KIAA1328: variants seen among roughly 807,000 people sequenced by gnomAD.
KIAA1328 encodes KIAA1328, also known as protein hinderin.
KIAA1328 carries 52 observed loss-of-function variants against 68.1 expected under a neutral mutation model. The observed-to-expected ratio is 0.76, with a 90% confidence interval of 0.61 to 0.96. KIAA1328 has a LOEUF of 0.96. KIAA1328 is among the 40% of genes least tolerant of loss of function. The pLI is 0.00. For synonymous variants in KIAA1328, 232 were observed against 239.4 expected (o/e 0.97, Z 0.28); for missense variants, 641 against 677.6 (o/e 0.95, Z 0.60).
intron 8 of KIAA1328, among the ~76,000 whole-genome samples, chr18:37,166,936 C>G (rs2059400722): frequency 6.6e-6 from 1 of 152,166 alleles, no homozygotes; most frequent in African/African-American, 2.4e-5. Flanking sequence ...ATCAAAACCT[C>G]CCAACAAAAC....
intron 5 of KIAA1328, among the ~76,000 whole-genome samples, chr18:36,887,488 C>T (rs1318909302): frequency 6.6e-6 from 1 of 151,980 alleles, no homozygotes; most frequent in Non-Finnish European, 1.5e-5. Flanking sequence ...CAATTCTAGG[C>T]ATTACATTTC....
At chr18:36,952,928 T>C (rs1315269492) in intron 5 of KIAA1328, among the ~76,000 whole-genome samples, 1 of 149,978 alleles carries the variant, frequency 6.7e-6, no homozygotes. Flanking sequence ...GTGGTAGAGG[T>C]AGGAAGACAA....
At chr18:37,150,975 A>G (rs2059016417) in intron 7 of KIAA1328, among the ~76,000 whole-genome samples, 1 of 152,196 alleles carries the variant, frequency 6.6e-6, no homozygotes, top group African/African-American at 2.4e-5. Context: ...CAGGCATGAA[A>G]GATATTGGGA....
At chr18:36,995,669 T>A (rs985086691) in intron 6 of KIAA1328, among the ~76,000 whole-genome samples, 8 of 152,190 alleles carry the variant, frequency 5.3e-5, no homozygotes, top group African/African-American at 1.9e-4. Flanking sequence ...AAATTGCATA[T>A]ACAATGAACT....
intron 5 of KIAA1328, among the ~76,000 whole-genome samples, chr18:36,951,037 C>T (rs1397788681): frequency 1.3e-5 from 2 of 152,156 alleles, no homozygotes; most frequent in Admixed American, 6.5e-5. Flanking sequence ...TGGACACAGT[C>T]GACTTCATCT....
intron 4 of KIAA1328, among the ~76,000 whole-genome samples, chr18:36,862,471 CTTCTT>C (rs1360580054): frequency 6.6e-6 from 1 of 152,060 alleles, no homozygotes; most frequent in African/African-American, 2.4e-5. Flanking sequence ...TTGTGACTGA[CTTCTT>C]TTTTTTTAAA....
At chr18:37,215,334 A>G (rs1317838274) in intron 9 of KIAA1328, among the ~76,000 whole-genome samples, 1 of 118,222 alleles carries the variant, frequency 8.5e-6, no homozygotes, top group Non-Finnish European at 1.7e-5. Flanking sequence ...ATCAGTACCT[A>G]GTTTATTGAG....
chr18:37,018,445 G>T (rs1321793691), intron 6 of KIAA1328, among the ~76,000 whole-genome samples: 2 of 151,872 alleles, frequency 1.3e-5, no homozygotes, highest in Non-Finnish European at 2.9e-5. Flanking sequence ...TATATACCTT[G>T]GTGATTATTT....
At chr18:37,225,579 G>A (rs771822456), downstream of KIAA1328, among the ~76,000 whole-genome samples, 1 of 152,200 alleles carries the variant, frequency 6.6e-6, no homozygotes, top group African/African-American at 2.4e-5. Flanking sequence ...TTTTGTGCTT[G>A]TTGGAACAGA....
intron 7 of KIAA1328, among the ~76,000 whole-genome samples, chr18:37,133,120 G>A (rs1443970081): frequency 6.6e-6 from 1 of 151,986 alleles, no homozygotes; most frequent in African/African-American, 2.4e-5. Context: ...GGATCATGAG[G>A]TCAGGAGTTC....
intron 9 of KIAA1328, among the ~76,000 whole-genome samples, chr18:37,203,665 T>C (rs1417462885): frequency 6.6e-6 from 1 of 152,188 alleles, no homozygotes; most frequent in Non-Finnish European, 1.5e-5. Context: ...ATCTGGTATA[T>C]CTGACCCTTC....
intron 9 of KIAA1328, among the ~76,000 whole-genome samples, chr18:37,182,150 G>T (rs2154215676): frequency 6.6e-6 from 1 of 152,270 alleles, no homozygotes; most frequent in South Asian, 2.1e-4. Flanking sequence ...TTAGCCTCAT[G>T]AACTGCCATT....
intron 9 of KIAA1328, among the ~76,000 whole-genome samples, chr18:37,176,305 G>A (rs574968741): frequency 6.6e-6 from 1 of 152,248 alleles, no homozygotes; most frequent in Non-Finnish European, 1.5e-5. Flanking sequence ...TGCTTTTAAG[G>A]TTCAATAATA....
At chr18:37,109,852 C>CTA (rs1275657473) in intron 7 of KIAA1328, among the ~76,000 whole-genome samples, 1 of 151,968 alleles carries the variant, frequency 6.6e-6, no homozygotes, top group Non-Finnish European at 1.5e-5. Flanking sequence ...CCAGTTGAGT[C>CTA]TGCTTGCTTT....
At chr18:36,995,134 T>C (rs1202547502) in intron 6 of KIAA1328, among the ~76,000 whole-genome samples, 2 of 151,944 alleles carry the variant, frequency 1.3e-5, no homozygotes, top group Non-Finnish European at 2.9e-5. Context: ...CAGGCCCCGG[T>C]GTGTGATGTT....
intron 4 of KIAA1328, among the ~76,000 whole-genome samples, chr18:36,875,259 G>A (rs1233164277): frequency 1.3e-5 from 2 of 152,154 alleles, no homozygotes; most frequent in African/African-American, 2.4e-5. Flanking sequence ...AGTTACTTTG[G>A]GCAGTATGGC....
intron 6 of KIAA1328, among the ~76,000 whole-genome samples, chr18:36,992,332 T>A (rs2053211952): frequency 6.6e-6 from 1 of 152,176 alleles, no homozygotes; most frequent in African/African-American, 2.4e-5. Context: ...TAAAATATTC[T>A]TGTACATCGT....
At chr18:36,873,049 C>G (rs1490164518) in intron 4 of KIAA1328, among the ~76,000 whole-genome samples, 1 of 152,068 alleles carries the variant, frequency 6.6e-6, no homozygotes, top group African/African-American at 2.4e-5. Flanking sequence ...GCATGTTTTT[C>G]CAGGTATTCT....
Position 37,020,931 on chromosome 18 carries a change from T to A in KIAA1328, c.577-45959T>A, listed in dbSNP as rs554314496. Among the ~76,000 whole-genome samples, 5 of 152,274 alleles carry A rather than the reference T, an allele frequency of 3.3e-5. No individual in the cohort carries two copies. In the South Asian group the frequency reaches 1.0e-3, roughly 32 times the overall value. On this transcript the variant is annotated intron_variant, in intron 6 of 9. Coordinates refer to ENST00000280020, the MANE Select transcript of KIAA1328 (RefSeq NM_020776.3). ...CCTTCTTACCCCCACAGAATAAAAA[T>A]TCAACTTTTAAAGTATTTTGAAATA...
Sources: gnomAD v4.1 joint callset for allele counts (sites outside exome capture counted in the v4.1 genomes callset) on GRCh38, gnomAD v4.1.1 for gene constraint, MANE v1.5 for transcripts, NCBI Gene and HGNC (gene_info 2026-07-23, HGNC 2026-07-21) for gene names.